FAAH2: variants seen among roughly 807,000 people sequenced by gnomAD.
The protein encoded by FAAH2 is fatty acid amide hydrolase 2.
A neutral mutation model predicts 36.9 loss-of-function variants in FAAH2; 60 were observed. The observed-to-expected ratio is 1.63, with a 90% CI of 1.32 to 2.02. The LOEUF (loss-of-function observed/expected upper bound fraction) is 2.02. Ranked by LOEUF, FAAH2 falls within the 30% of genes most tolerant of loss-of-function variation. FAAH2 has a pLI of 0.00. For missense variants in FAAH2, 689 were observed against 397.5 expected, an observed-to-expected ratio of 1.73 and a Z score of -6.23; for synonymous variants, 214 against 143.8, an observed-to-expected ratio of 1.49 and a Z score of -3.49.
intron 7 of FAAH2, 35 bp from the exon 8 acceptor site, chrX:57,431,883 C>T (rs758778473): frequency 1.9e-6 from 2 of 1,072,495 alleles, no homozygotes; most frequent in East Asian, 8.1e-5. Flanking sequence ...CTCTTCTCAT[C>T]ATGTTTGTCT....
At chrX:57,436,270 A>G (rs778300072) in intron 8 of FAAH2, among the ~76,000 whole-genome samples, 1 of 110,960 alleles carries the variant, frequency 9.0e-6, no homozygotes, top group Non-Finnish European at 1.9e-5. Context: ...AAGTAGGAAC[A>G]TTACAAATTA....
upstream of FAAH2, among the ~76,000 whole-genome samples, chrX:57,286,167 C>T (rs2051807261): frequency 1.8e-5 from 2 of 111,604 alleles, no homozygotes; most frequent in South Asian, 7.6e-4. Flanking sequence ...TTCAAGTGTC[C>T]AGTTTAGGAG....
chrX:57,160,608 A>G, the FAAH2 span, among the ~76,000 whole-genome samples: 3 of 111,517 alleles, frequency 2.7e-5, no homozygotes, highest in Admixed American at 2.9e-4. Flanking sequence ...TTTCTTCTAG[A>G]TTTTCTAGTT....
At chrX:57,282,842 C>T (rs1193414977), upstream of FAAH2, among the ~76,000 whole-genome samples, 1 of 111,984 alleles carries the variant, frequency 8.9e-6, no homozygotes, top group Non-Finnish European at 1.9e-5. Flanking sequence ...GTAGGCTCCT[C>T]TCCCACAGAA....
intron 10 of FAAH2, among the ~76,000 whole-genome samples, chrX:57,477,292 A>G (rs1453536049): frequency 9.0e-6 from 1 of 110,651 alleles, no homozygotes; most frequent in East Asian, 2.8e-4. Context: ...ACAATAATAT[A>G]ATTACACTGC....
chrX:57,420,764 A>C (rs1287091297), intron 7 of FAAH2, among the ~76,000 whole-genome samples: 1 of 107,896 alleles, frequency 9.3e-6, no homozygotes, highest in African/African-American at 3.4e-5. Context: ...TATGTTGAAT[A>C]GGAGTGGTGA....
At chrX:57,262,321 A>AT in the FAAH2 span, among the ~76,000 whole-genome samples, 3 of 111,580 alleles carry the variant, frequency 2.7e-5, no homozygotes, top group Non-Finnish European at 3.8e-5. Flanking sequence ...AATAAATGAA[A>AT]CTATAAAATT....
intron 3 of FAAH2, among the ~76,000 whole-genome samples, chrX:57,322,246 T>C (rs1207885575): frequency 3.6e-5 from 4 of 111,703 alleles, no homozygotes; most frequent in Non-Finnish European, 7.5e-5. Context: ...CTCCTCGGCC[T>C]CCCAAAGTGC....
the FAAH2 span, among the ~76,000 whole-genome samples, chrX:57,229,825 T>A: frequency 8.9e-6 from 1 of 111,873 alleles, no homozygotes; most frequent in Non-Finnish European, 1.9e-5. Context: ...TACCATTAAT[T>A]GGAAGCTTTG....
At chrX:57,446,843 T>C (rs909619814) in intron 8 of FAAH2, 85 bp from the exon 9 acceptor site, 4 of 544,821 alleles carry the variant, frequency 7.3e-6, no homozygotes, top group Non-Finnish European at 1.2e-5. Flanking sequence ...GAATGATTAT[T>C]CATATATAAG....
chrX:57,215,798 C>A, the FAAH2 span, among the ~76,000 whole-genome samples: 1 of 108,113 alleles, frequency 9.2e-6, no homozygotes, highest in African/African-American at 3.4e-5. Context: ...GGGCACAACA[C>A]ACTCTGAAAC....
chrX:57,160,102 G>A, the FAAH2 span, among the ~76,000 whole-genome samples: 2 of 111,642 alleles, frequency 1.8e-5, no homozygotes, highest in Admixed American at 9.5e-5. Flanking sequence ...TAATCATGTG[G>A]TTTTTGTCGT....
intron 3 of FAAH2, among the ~76,000 whole-genome samples, chrX:57,325,253 G>A (rs1483592817): frequency 9.0e-6 from 1 of 111,606 alleles, no homozygotes; most frequent in African/African-American, 3.3e-5. Context: ...GTATTTTATT[G>A]AGGATTTTTG....
At chrX:57,336,420 G>A (rs965844622) in intron 4 of FAAH2, among the ~76,000 whole-genome samples, 11 of 111,671 alleles carry the variant, frequency 9.9e-5, no homozygotes, top group Non-Finnish European at 1.7e-4. Flanking sequence ...CAGAAAGCCT[G>A]TTTGGTGGTC....
At chrX:57,146,257 A>G in the FAAH2 span, among the ~76,000 whole-genome samples, 6 of 110,497 alleles carry the variant, frequency 5.4e-5, no homozygotes, top group East Asian at 1.7e-3. Flanking sequence ...AGTGTTTTGT[A>G]GTTTTCCTTG....
the FAAH2 span, among the ~76,000 whole-genome samples, chrX:57,142,322 A>G: frequency 1.8e-5 from 2 of 111,787 alleles, no homozygotes; most frequent in African/African-American, 6.5e-5. Context: ...CATTTGTTTC[A>G]AGAAACTTTA....
chrX:57,420,633 G>C (rs2055992971), intron 7 of FAAH2, among the ~76,000 whole-genome samples: 1 of 108,403 alleles, frequency 9.2e-6, no homozygotes, highest in South Asian at 4.1e-4. Context: ...GAGACAATGT[G>C]GTTTTCTAGA....
intron 10 of FAAH2, among the ~76,000 whole-genome samples, chrX:57,450,154 C>T (rs1196067006): frequency 9.0e-6 from 1 of 110,711 alleles, no homozygotes; most frequent in East Asian, 2.9e-4. Flanking sequence ...TGGTTTGTAA[C>T]TTTTCCCTCT....
At chrX:57,250,039 AC>A in the FAAH2 span, among the ~76,000 whole-genome samples, 1 of 112,175 alleles carries the variant, frequency 8.9e-6, no homozygotes, top group African/African-American at 3.2e-5. Context: ...ACTTCATAAA[AC>A]AAAGGCCATA....
Sources: gnomAD v4.1 joint callset for allele counts (sites outside exome capture counted in the v4.1 genomes callset) on GRCh38, gnomAD v4.1.1 for gene constraint, MANE v1.5 for transcripts, NCBI Gene and HGNC (gene_info 2026-07-23, HGNC 2026-07-21) for gene names.